Variants in CAMK1D observed in about 807,000 individuals in gnomAD.
The protein encoded by CAMK1D is calcium/calmodulin-dependent protein kinase type 1D.
In CAMK1D, 9 loss-of-function variants were observed where a neutral mutation model predicts 47.7. That is an observed-to-expected ratio of 0.19 (90% confidence interval 0.11 to 0.33). CAMK1D has a LOEUF of 0.33. Ranked by LOEUF, CAMK1D falls within the 10% of genes least tolerant of loss-of-function variation. The pLI is 1.00. For missense variants in CAMK1D, 291 were observed against 488.7 expected, an observed-to-expected ratio of 0.60 and a Z score of 3.81; for synonymous variants, 184 against 184.9, an observed-to-expected ratio of 0.99 and a Z score of 0.04.
At chr10:12,416,897 G>T (rs1201544236) in intron 1 of CAMK1D, among the ~76,000 whole-genome samples, 2 of 152,144 alleles carry the variant, frequency 1.3e-5, no homozygotes, top group African/African-American at 4.8e-5. Context: ...TGTGTTGTTG[G>T]TAGACTCCCT....
intron 1 of CAMK1D, among the ~76,000 whole-genome samples, chr10:12,386,297 G>A (rs1337141151): frequency 6.6e-6 from 1 of 152,072 alleles, no homozygotes; most frequent in African/African-American, 2.4e-5. Flanking sequence ...AAATTAGTTG[G>A]GTATGGTGGT....
intron 1 of CAMK1D, among the ~76,000 whole-genome samples, chr10:12,362,813 T>G (rs1324627400): frequency 3.3e-5 from 5 of 151,832 alleles, no homozygotes; most frequent in African/African-American, 4.8e-5. Flanking sequence ...CTGGGCTGAT[T>G]TTTTGTATTT....
chr10:12,616,506 T>G (rs1290978609), intron 2 of CAMK1D, among the ~76,000 whole-genome samples: 1 of 63,218 alleles, frequency 1.6e-5, no homozygotes, highest in African/African-American at 3.2e-5. Flanking sequence ...TGTTTGTTTG[T>G]TTTTTGTTGT....
intron 3 of CAMK1D, among the ~76,000 whole-genome samples, chr10:12,721,294 T>C (rs1270472880): frequency 1.3e-5 from 2 of 152,244 alleles, no homozygotes; most frequent in Non-Finnish European, 2.9e-5. Context: ...TGATGAGGGC[T>C]AGCAATTTCT....
At chr10:12,403,382 T>A (rs1839298755) in intron 1 of CAMK1D, among the ~76,000 whole-genome samples, 1 of 152,226 alleles carries the variant, frequency 6.6e-6, no homozygotes, top group Non-Finnish European at 1.5e-5. Context: ...GAGTCCTCGC[T>A]CCGTGCCCAC....
intron 1 of CAMK1D, among the ~76,000 whole-genome samples, chr10:12,472,643 T>C (rs1347796219): frequency 6.6e-6 from 1 of 152,150 alleles, no homozygotes; most frequent in African/African-American, 2.4e-5. Context: ...TTCCTCAGCC[T>C]CCTGAGTAGC....
intron 3 of CAMK1D, among the ~76,000 whole-genome samples, chr10:12,746,817 G>A (rs1435834022): frequency 1.3e-5 from 2 of 152,152 alleles, no homozygotes; most frequent in African/African-American, 4.8e-5. Context: ...GAAATGAGGG[G>A]TTTAACTAAA....
intron 1 of CAMK1D, among the ~76,000 whole-genome samples, chr10:12,478,467 A>AT (rs201173632): frequency 7.3e-4 from 108 of 147,106 alleles, no homozygotes; most frequent in Middle Eastern, 3.6e-3. Context: ...ATCCTGTCTA[A>AT]TTTTTTTTTT....
At chr10:12,781,777 G>A (rs911739533) in intron 5 of CAMK1D, among the ~76,000 whole-genome samples, 2 of 151,292 alleles carry the variant, frequency 1.3e-5, no homozygotes, top group Admixed American at 6.6e-5. Flanking sequence ...TCATCCTCCC[G>A]AGAAGCTGGG....
At chr10:12,500,490 C>T (rs1239353038) in intron 1 of CAMK1D, among the ~76,000 whole-genome samples, 1 of 152,160 alleles carries the variant, frequency 6.6e-6, no homozygotes. Flanking sequence ...TCCCTGCGGG[C>T]ATGGAGGGGC....
chr10:12,804,760 C>G (rs1838641997), intron 6 of CAMK1D, among the ~76,000 whole-genome samples: 1 of 138,018 alleles, frequency 7.2e-6, no homozygotes. Context: ...ACAGCAAGAC[C>G]CTGTCTGTAC....
At chr10:12,362,250 C>A (rs1837687257) in intron 1 of CAMK1D, among the ~76,000 whole-genome samples, 1 of 150,758 alleles carries the variant, frequency 6.6e-6, no homozygotes, top group South Asian at 2.1e-4. Flanking sequence ...TAACTCCCTA[C>A]TCCCTCCTCC....
chr10:12,375,067 G>T (rs927839690), intron 1 of CAMK1D, among the ~76,000 whole-genome samples: 1 of 152,090 alleles, frequency 6.6e-6, no homozygotes, highest in Non-Finnish European at 1.5e-5. Flanking sequence ...AAAGTTCTGG[G>T]ATTATAGGTG....
At chr10:12,512,386 C>T (rs1225547464) in intron 1 of CAMK1D, among the ~76,000 whole-genome samples, 2 of 152,094 alleles carry the variant, frequency 1.3e-5, no homozygotes, top group Non-Finnish European at 2.9e-5. Context: ...CAAAAACCTG[C>T]TTTACTGTTT....
chr10:12,541,882 C>CCTTCCTTCCTTCCTTCCTT (rs1564401128), intron 1 of CAMK1D, among the ~76,000 whole-genome samples: 4 of 138,298 alleles, frequency 2.9e-5, no homozygotes, highest in African/African-American at 1.1e-4. Context: ...TTCCTTCCTT[C>CCTTCCTTCCTTCCTTCCTT]CTTCCTTTTT....
intron 1 of CAMK1D, among the ~76,000 whole-genome samples, chr10:12,500,979 A>T (rs1200208789): frequency 6.6e-6 from 1 of 152,196 alleles, no homozygotes; most frequent in Non-Finnish European, 1.5e-5. Flanking sequence ...AGATGAGGAA[A>T]GTGAAGCTTC....
chr10:12,820,847 C>A (rs537288900), intron 8 of CAMK1D, among the ~76,000 whole-genome samples: 1 of 152,166 alleles, frequency 6.6e-6, no homozygotes, highest in African/African-American at 2.4e-5. Context: ...AACAGGCTGC[C>A]GACTGATGGC....
chr10:12,625,518 T>G (rs1313068125), intron 2 of CAMK1D, among the ~76,000 whole-genome samples: 2 of 150,606 alleles, frequency 1.3e-5, no homozygotes, highest in Non-Finnish European at 3.0e-5. Context: ...TTTTTATTTT[T>G]GTAGAGACGG....
intron 3 of CAMK1D, among the ~76,000 whole-genome samples, chr10:12,691,104 C>A (rs1022457996): frequency 6.6e-6 from 1 of 151,946 alleles, no homozygotes; most frequent in Non-Finnish European, 1.5e-5. Flanking sequence ...ATCCCTGAAA[C>A]GGCAAAGAGG....
Sources: allele counts gnomAD v4.1 joint callset (sites outside exome capture counted in the v4.1 genomes callset), GRCh38; gene constraint gnomAD v4.1.1; transcripts MANE v1.5; gene names NCBI Gene and HGNC (gene_info 2026-07-23, HGNC 2026-07-21).